Variants in CDYL observed in about 807,000 individuals in gnomAD.
CDYL encodes chromodomain Y like.
CDYL carries 8 observed loss-of-function variants against 47.3 expected under a neutral mutation model. The ratio of observed to expected loss-of-function variants is 0.17; its 90% confidence interval spans 0.10 to 0.31. The LOEUF is 0.31. Ranked by LOEUF, CDYL falls within the 10% of genes least tolerant of loss-of-function variation. The probability of loss-of-function intolerance (pLI) is 1.00; values close to 1 mark genes in which losing one functional copy is unlikely to be tolerated. For synonymous variants in CDYL, 266 were observed against 265.0 expected (o/e 1.00, Z -0.04); for missense variants, 471 against 701.4 (o/e 0.67, Z 3.71).
chr6:4,909,313 C>A (rs1192516903), intron 2 of CDYL, among the ~76,000 whole-genome samples: 1 of 152,184 alleles, frequency 6.6e-6, no homozygotes, highest in African/African-American at 2.4e-5. Context: ...GGCTTTCCGG[C>A]GTCCGTAAGT....
chr6:4,739,414 G>A (rs1757757612), intron 3 of CDYL, among the ~76,000 whole-genome samples: 1 of 150,428 alleles, frequency 6.6e-6, no homozygotes, highest in Admixed American at 6.6e-5. Flanking sequence ...AGCTACTCAG[G>A]AGGCTGAGGC....
intron 1 of CDYL, among the ~76,000 whole-genome samples, chr6:4,859,530 T>G (rs1487439532): frequency 1.3e-5 from 2 of 152,150 alleles, no homozygotes; most frequent in Admixed American, 1.3e-4. Context: ...AAAGCACAAT[T>G]TAAGGGTGGC....
chr6:4,743,318 C>G (rs1757830783), intron 3 of CDYL, among the ~76,000 whole-genome samples: 1 of 152,202 alleles, frequency 6.6e-6, no homozygotes, highest in African/African-American at 2.4e-5. Context: ...TTTCATCCTA[C>G]AAGACTCCCA....
At chr6:4,853,249 A>T (rs1561670836) in intron 1 of CDYL, among the ~76,000 whole-genome samples, 1 of 152,188 alleles carries the variant, frequency 6.6e-6, no homozygotes, top group African/African-American at 2.4e-5. Flanking sequence ...ACTGGTTTGT[A>T]CTTTAAAAGA....
At position 4,915,846 on chromosome 6, in the gene CDYL, C is replaced by G. The variant is rs566717616; in HGVS notation, c.692-19669C>G. 5.3e-5 allele frequency among the ~76,000 whole-genome samples: 8 copies of G among 152,336 alleles called. No individual in the cohort carries two copies. The East Asian group carries it at 9.7e-4, about 18-fold the overall frequency. On this transcript the variant is annotated intron_variant, in intron 2 of 6. Transcript: ENST00000397588. The stretch of plus-strand genomic sequence containing the variant: ...AGAGACAGTCACCCTATATATGAAG[C>G]CTGCTACCTGGAGACTTCGTCTGTA...
intron 1 of CDYL, among the ~76,000 whole-genome samples, chr6:4,884,069 G>A (rs552692154): frequency 7.2e-4 from 109 of 152,330 alleles, no homozygotes; most frequent in Non-Finnish European, 1.4e-3. Flanking sequence ...TGTCCATGAC[G>A]TTCTCTAAAG....
In CDYL at chr6:4,856,399, C is replaced by G. The variant is rs9504273; in HGVS notation, c.25-35314C>G. Among the ~76,000 whole-genome samples the G allele has an allele frequency of 4.9e-3, 743 of 152,174 alleles. 3 individuals carry two copies. The highest frequency in any genetic ancestry group is 0.017 in the African/African-American group (709 of 41,498). ...CAGACAGGACTTTGTAGGCAGAGGCCATGGAAGTGCACAGTCCCTGAATGA... is the reference window on the plus strand; with the variant it reads ...CAGACAGGACTTTGTAGGCAGAGGCGATGGAAGTGCACAGTCCCTGAATGA... On this transcript the variant is annotated intron_variant, in intron 1 of 6. Coordinates refer to ENST00000397588, the MANE Select transcript of CDYL (RefSeq NM_004824.4).
chr6:4,753,640 G>T (rs1319669211), intron 3 of CDYL, among the ~76,000 whole-genome samples: 1 of 152,166 alleles, frequency 6.6e-6, no homozygotes, highest in Admixed American at 6.5e-5. Context: ...ACATGAAGGG[G>T]TGTGCTATCA....
At chr6:4,888,545 TAA>T (rs964803285) in intron 1 of CDYL, among the ~76,000 whole-genome samples, 1 of 152,176 alleles carries the variant, frequency 6.6e-6, no homozygotes, top group African/African-American at 2.4e-5. Context: ...TCAAAATAAG[TAA>T]AAGTTTGTCA....
At chr6:4,891,384 G>A (rs1167680861) in intron 1 of CDYL, among the ~76,000 whole-genome samples, 1 of 152,134 alleles carries the variant, frequency 6.6e-6, no homozygotes, top group Admixed American at 6.5e-5. Context: ...CAGATGCCTC[G>A]AGCTGCTCCA....
At chr6:4,864,400 T>C (rs1761261871) in intron 1 of CDYL, among the ~76,000 whole-genome samples, 1 of 152,180 alleles carries the variant, frequency 6.6e-6, no homozygotes, top group South Asian at 2.1e-4. Context: ...TTGACTAAAA[T>C]TTGTAGCAAC....
intron 1 of CDYL, among the ~76,000 whole-genome samples, chr6:4,789,473 T>G (rs11967830): frequency 0.1 from 15,941 of 152,082 alleles, 2,815 homozygotes; most frequent in African/African-American, 0.37. Flanking sequence ...TTTATTTCTG[T>G]TTCCCTGGCC....
chr6:4,805,447 T>G (rs567801142), intron 1 of CDYL, among the ~76,000 whole-genome samples: 1 of 152,282 alleles, frequency 6.6e-6, no homozygotes, highest in African/African-American at 2.4e-5. Context: ...GTGTTTAGGA[T>G]CCTCCAGAGA....
intron 1 of CDYL, among the ~76,000 whole-genome samples, chr6:4,872,599 C>T (rs567760144): frequency 6.6e-6 from 1 of 151,998 alleles, no homozygotes; most frequent in East Asian, 1.9e-4. Flanking sequence ...AGGCTGGTCT[C>T]AAACTCCTGA....
intron 1 of CDYL, among the ~76,000 whole-genome samples, chr6:4,783,250 G>GTT (rs144564528): frequency 7.8e-5 from 11 of 141,824 alleles, no homozygotes; most frequent in Non-Finnish European, 9.3e-5. Flanking sequence ...AAGTTTCTAG[G>GTT]TTTTTTTTTT....
chr6:4,731,104 T>C (rs1258481458), intron 2 of CDYL, among the ~76,000 whole-genome samples: 2 of 152,224 alleles, frequency 1.3e-5, no homozygotes, highest in African/African-American at 4.8e-5. Context: ...TCCTGACTAG[T>C]GCGAATACTC....
intron 1 of CDYL, among the ~76,000 whole-genome samples, chr6:4,789,915 G>A (rs1228876349): frequency 2.0e-5 from 3 of 152,200 alleles, no homozygotes; most frequent in African/African-American, 4.8e-5. Context: ...AAAACAAATC[G>A]CCTTTCAGAC....
At chr6:4,713,593 T>C (rs1046091003) in intron 1 of CDYL, among the ~76,000 whole-genome samples, 1 of 150,124 alleles carries the variant, frequency 6.7e-6, no homozygotes. Context: ...TAGATTCTTT[T>C]TTTTTTTTTT....
intron 2 of CDYL, among the ~76,000 whole-genome samples, chr6:4,899,479 T>C (rs1009853618): frequency 6.6e-6 from 1 of 152,124 alleles, no homozygotes; most frequent in Non-Finnish European, 1.5e-5. Context: ...GTGGGGTTTC[T>C]AGGCTTCTTG....
Sources: gnomAD v4.1 joint callset for allele counts (sites outside exome capture counted in the v4.1 genomes callset) on GRCh38, gnomAD v4.1.1 for gene constraint, MANE v1.5 for transcripts, NCBI Gene and HGNC (gene_info 2026-07-23, HGNC 2026-07-21) for gene names.